Variants in ZNF697 observed in about 807,000 individuals in gnomAD.
ZNF697 encodes the protein zinc finger protein 697.
In ZNF697, 23 loss-of-function variants were observed where a neutral mutation model predicts 32.4. The ratio of observed to expected loss-of-function variants is 0.71; its 90% confidence interval spans 0.51 to 1.01. ZNF697 has a LOEUF of 1.01. ZNF697 is among the 50% of genes least tolerant of loss of function. The pLI, the probability that ZNF697 is intolerant of heterozygous loss-of-function variation, is 0.00. For missense variants in ZNF697, 930 were observed against 794.0 expected, an observed-to-expected ratio of 1.17 and a Z score of -2.06; for synonymous variants, 418 against 337.2, an observed-to-expected ratio of 1.24 and a Z score of -2.62.
In ZNF697 at chr1:119,644,580, G is replaced by A. The variant is rs587611010; in HGVS notation, c.-38+3111C>T. ...CTCAGTTCAGAATCTGGGACTCCAG[G>A]CAAGCTTCTTAGCTTCTCTCCAAGC... On this transcript the variant is annotated intron_variant, in intron 1 of 2. Coordinates refer to ENST00000421812, the MANE Select transcript of ZNF697 (RefSeq NM_001080470.2). Among the ~76,000 whole-genome samples the A allele has an allele frequency of 3.9e-5, 6 of 152,268 alleles. No homozygotes were observed. The South Asian group carries it at 1.2e-3, about 32-fold the overall frequency.
At position 119,638,543 on chromosome 1, in the gene ZNF697, C is replaced by T. The variant is rs587752080; in HGVS notation, c.-38+9148G>A. 4.6e-5 allele frequency among the ~76,000 whole-genome samples: 7 copies of T among 152,314 alleles called. No homozygotes were observed. In the East Asian group the frequency reaches 7.7e-4, roughly 17 times the overall value. On this transcript the variant is annotated intron_variant, in intron 1 of 2. Coordinates refer to ENST00000421812, the MANE Select transcript of ZNF697 (RefSeq NM_001080470.2). ...TTTGCTTAGCACCCACAATATTGCA[C>T]TGTCCTAGTCCTCCTCATACTTCAC...
In ZNF697 at chr1:119,623,065, C is replaced by T; in HGVS notation, c.1278G>A (p.Thr426=). The T allele has an allele frequency of 6.3e-7, 1 of 1,584,056 alleles. No homozygotes were observed. Among genetic ancestry groups the T allele is most frequent in the South Asian group, 1.1e-5 (1 of 87,352 alleles). Residue 426 remains threonine (T), a synonymous_variant, in exon 3 of 3, where the codon ACG becomes ACA. Coordinates refer to ENST00000421812, the MANE Select transcript of ZNF697 (RefSeq NM_001080470.2). ...ETFSVSSHLF[T]HKRTHSGERP... ...GCTCACCCGAGTGCGTGCGCTTGTG[C>T]GTGAAGAGGTGCGAGCTGACGCTGA...
chr1:119,622,084 T>C lies in ZNF697; in HGVS notation c.*621A>G, dbSNP rs780637333. ...TTTCTAAACCCCAGACATTGCCCCT[T>C]GAAATGAGTGTGGCGTTTTTCAGCC... On this transcript the variant is annotated 3_prime_UTR_variant, in exon 3 of 3. Transcript: ENST00000421812. The C allele has an allele frequency of 6.6e-6, 1 of 152,644 alleles. No individual in the cohort carries two copies. Among genetic ancestry groups the C allele is most frequent in the Non-Finnish European group, 1.5e-5 (1 of 68,056 alleles). 9.5% of individuals were successfully genotyped at this position (152,644 alleles called of 1,614,324 possible).
At chr1:119,624,261 CCT>C in intron 2 of ZNF697, 145 bp from the exon 3 acceptor site, 2 of 1,025,254 alleles carry the variant, frequency 2.0e-6, no homozygotes, top group Non-Finnish European at 1.4e-6. Context: ...GAGAGTTTAG[CCT>C]CTCTCAACTG....
chr1:119,642,483 C>A (rs184085670), intron 1 of ZNF697, among the ~76,000 whole-genome samples: 1 of 152,118 alleles, frequency 6.6e-6, no homozygotes, highest in African/African-American at 2.4e-5. Flanking sequence ...CAGACAGGAA[C>A]TCTACTTTCT....
chr1:119,623,303 G>T lies in ZNF697; in HGVS notation c.1040C>A (p.Ala347Glu). ...RAHAAASGAG[A>E]AALRPFACGE... Reference sequence around the variant, plus strand: ...GCAGGCGAAGGGCCGCAGCGCCGCCGCCCCCGCGCCGCTGGCCGCCGCGTG... The same window carrying T: ...GCAGGCGAAGGGCCGCAGCGCCGCCTCCCCCGCGCCGCTGGCCGCCGCGTG... Residue 347 changes from alanine to glutamate, a missense_variant, in exon 3 of 3, where the codon GCG becomes GAG. By Grantham distance (107) the Ala-to-Glu change is moderately radical (BLOSUM62 -1). Coordinates refer to ENST00000421812, the MANE Select transcript of ZNF697 (RefSeq NM_001080470.2). 1.5e-6 allele frequency: 2 copies of T among 1,302,218 alleles called. No individual in the cohort carries two copies. The highest frequency in any genetic ancestry group is 2.2e-4 in the Middle Eastern group (1 of 4,512). 80.7% of individuals were successfully genotyped at this position (1,302,218 alleles called of 1,614,324 possible). A position where few individuals can be genotyped will look rare whatever the true frequency, so the allele number is the denominator to read the frequency against.
At chr1:119,645,290 T>C (rs1649172417) in intron 1 of ZNF697, among the ~76,000 whole-genome samples, 1 of 151,952 alleles carries the variant, frequency 6.6e-6, no homozygotes, top group Non-Finnish European at 1.5e-5. Context: ...AAAGGCAAGA[T>C]AATTAAGATT....
Position 119,622,413 on chromosome 1 carries a change from A to AAGGTCCTCC in ZNF697, c.*291_*292insGGAGGACCT. ...CCCAGCCCACGAACTGCCCTTCCTC[A>AAGGTCCTCC]AAGTGCCTGGTCCTCCAAGCTCTTC... is the stretch of plus-strand genomic sequence containing the variant. On this transcript the variant is annotated 3_prime_UTR_variant, in exon 3 of 3. Coordinates refer to ENST00000421812, the MANE Select transcript of ZNF697 (RefSeq NM_001080470.2). 5.0e-6 allele frequency: 2 copies of AAGGTCCTCC among 398,276 alleles called. No homozygotes were observed. The highest frequency in any genetic ancestry group is 7.6e-5 in the South Asian group (1 of 13,086). The allele number at this position is 398,276 out of a possible 1,614,324, so 24.7% of individuals were successfully genotyped here. A position where few individuals can be genotyped will look rare whatever the true frequency, so the allele number is the denominator to read the frequency against.
chr1:119,631,013 A>G (rs1214888873), intron 1 of ZNF697, among the ~76,000 whole-genome samples: 1 of 152,248 alleles, frequency 6.6e-6, no homozygotes, highest in Non-Finnish European at 1.5e-5. Flanking sequence ...TGTGAAATCT[A>G]TCCCTATTGA....
chr1:119,623,961 G>A lies in ZNF697; in HGVS notation c.382C>T (p.Arg128Trp), dbSNP rs1217921589. 2 of 1,605,768 alleles carry A rather than the reference G, an allele frequency of 1.2e-6. No homozygotes were observed. Among genetic ancestry groups the A allele is most frequent in the Non-Finnish European group, 1.7e-6 (2 of 1,176,310 alleles). The change falls in exon 3 of 3, where the codon CGG becomes TGG. Residue 128 changes from arginine (R) to tryptophan (W), a missense_variant. By Grantham distance (101) the Arg-to-Trp change is moderately radical. Coordinates refer to ENST00000421812, the MANE Select transcript of ZNF697 (RefSeq NM_001080470.2). ...EDDDESAGEN[R>W]LEEEEEQPAP... Reference sequence around the variant, plus strand: ...GGCTGCTCCTCTTCCTCCTCCAGCCGGTTCTCCCCAGCACTCTCGTCGTCG... The same window carrying A: ...GGCTGCTCCTCTTCCTCCTCCAGCCAGTTCTCCCCAGCACTCTCGTCGTCG...
intron 1 of ZNF697, among the ~76,000 whole-genome samples, chr1:119,640,108 C>T (rs1460438004): frequency 6.6e-6 from 1 of 152,136 alleles, no homozygotes; most frequent in East Asian, 1.9e-4. Context: ...TAAATAGAAT[C>T]ATACTTACAA....
At chr1:119,645,322 C>G (rs1003581711) in intron 1 of ZNF697, among the ~76,000 whole-genome samples, 1 of 152,166 alleles carries the variant, frequency 6.6e-6, no homozygotes, top group Non-Finnish European at 1.5e-5. Flanking sequence ...TTCACTCCTT[C>G]TTTGATTTAT....
chr1:119,632,607 T>C (rs1648810305), intron 1 of ZNF697, among the ~76,000 whole-genome samples: 1 of 152,230 alleles, frequency 6.6e-6, no homozygotes, highest in South Asian at 2.1e-4. Context: ...ACAAATGCCC[T>C]TGGGGTCAGA....
rs1557944414 is a variant in ZNF697 at position 119,648,236 on chromosome 1, C to CTG, written c.-584_-583insCA. Among the ~76,000 whole-genome samples the CTG allele has an allele frequency of 3.6e-4, 32 of 89,898 alleles. No individual in the cohort carries two copies. The highest frequency in any genetic ancestry group is 1.2e-3 in the African/African-American group (28 of 24,102). The allele number at this position is 89,898 out of a possible 152,430, so 59.0% of individuals were successfully genotyped here. ...TGGCTGGCTGGCTGGCTGGCTGGCT[C>CTG]GCTGGCTGGCTGCCCGGCTGACTCC... is the stretch of plus-strand genomic sequence containing the variant. On this transcript the variant is annotated 5_prime_UTR_variant, in exon 1 of 3. Coordinates refer to ENST00000421812, the MANE Select transcript of ZNF697 (RefSeq NM_001080470.2).
chr1:119,647,375 C>A (rs373484735), intron 1 of ZNF697, among the ~76,000 whole-genome samples: 2 of 152,302 alleles, frequency 1.3e-5, no homozygotes, highest in East Asian at 3.9e-4. Context: ...GGTTGGAATG[C>A]CTCCCGGGGC....
chr1:119,648,226 C>CTGGT lies in ZNF697; in HGVS notation c.-574_-573insACCA, dbSNP rs1649276945. On this transcript the variant is annotated 5_prime_UTR_variant, in exon 1 of 3. Coordinates refer to ENST00000421812, the MANE Select transcript of ZNF697 (RefSeq NM_001080470.2). ...GTTGGCTGGCTGGCTGGCTGGCTGGCTGGCTGGCTCGCTGGCTGGCTGCCC... is the reference window on the plus strand; with the variant it reads ...GTTGGCTGGCTGGCTGGCTGGCTGGCTGGTTGGCTGGCTCGCTGGCTGGCTGCCC... Among the ~76,000 whole-genome samples, 1 of 151,816 alleles carries CTGGT rather than the reference C, an allele frequency of 6.6e-6. No homozygotes were observed. The highest frequency in any genetic ancestry group is 1.5e-5 in the Non-Finnish European group (1 of 67,844).
intron 1 of ZNF697, among the ~76,000 whole-genome samples, chr1:119,646,467 G>A (rs983791071): frequency 2.7e-5 from 4 of 150,926 alleles, no homozygotes; most frequent in African/African-American, 9.8e-5. Context: ...TTTTTTTCTC[G>A]ATTCCATTCT....
intron 1 of ZNF697, among the ~76,000 whole-genome samples, chr1:119,633,356 A>ATG (rs58387828): frequency 0.14 from 20,009 of 143,042 alleles, 1,383 homozygotes; most frequent in East Asian, 0.26. Flanking sequence ...AACCAATAGG[A>ATG]TGTGTGTGTG....
At chr1:119,647,036 A>C (rs1401542306) in intron 1 of ZNF697, among the ~76,000 whole-genome samples, 3 of 115,788 alleles carry the variant, frequency 2.6e-5, no homozygotes, top group South Asian at 3.0e-4. Flanking sequence ...AATTCAGCCC[A>C]GGGTTCATGT....
Sources: gnomAD v4.1 joint callset for allele counts (sites outside exome capture counted in the v4.1 genomes callset) on GRCh38, gnomAD v4.1.1 for gene constraint, MANE v1.5 for transcripts, NCBI Gene and HGNC (gene_info 2026-07-23, HGNC 2026-07-21) for gene names.